Variants in TFDP2 observed in about 807,000 individuals in gnomAD.
TFDP2 encodes transcription factor Dp-2, also known as transcription factor Dp-2 (E2F dimerization partner 2).
In TFDP2, 17 loss-of-function variants were observed where a neutral mutation model predicts 59.3. The observed-to-expected ratio is 0.29, with a 90% CI of 0.20 to 0.43. The LOEUF (loss-of-function observed/expected upper bound fraction) is 0.43. Ranked by LOEUF, TFDP2 falls within the 20% of genes least tolerant of loss-of-function variation. The pLI is 1.00. For missense variants in TFDP2, 391 were observed against 528.8 expected (o/e 0.74, Z 2.56); for synonymous variants, 180 against 194.7 (o/e 0.92, Z 0.63).
At chr3:142,034,818 C>T (rs1388084466) in intron 3 of TFDP2, among the ~76,000 whole-genome samples, 4 of 151,646 alleles carry the variant, frequency 2.6e-5, no homozygotes, top group African/African-American at 7.3e-5. Context: ...CAGGTTCTCA[C>T]GGCCTCAGCC....
chr3:141,980,945 T>A (rs11705778), intron 6 of TFDP2, among the ~76,000 whole-genome samples: 1 of 152,174 alleles, frequency 6.6e-6, no homozygotes, highest in Non-Finnish European at 1.5e-5. Context: ...TAACTTATTA[T>A]TGAAGAAGAA....
chr3:141,978,688 A>C lies in TFDP2; in HGVS notation c.357-6T>G. 6.3e-7 allele frequency: 1 copy of C among 1,593,090 alleles called. No homozygotes were observed. The highest frequency in any genetic ancestry group is 8.5e-7 in the Non-Finnish European group (1 of 1,173,400). Reference sequence around the variant, plus strand: ...CTCCTTTTTTGCTTCGTTTACTAGAAGGGAAAAAAGTTTTTTTTACTCCAT... The same window carrying C: ...CTCCTTTTTTGCTTCGTTTACTAGACGGGAAAAAAGTTTTTTTTACTCCAT... On this transcript the variant is annotated splice_region_variant and splice_polypyrimidine_tract_variant and intron_variant, in intron 6 of 12. Coordinates refer to ENST00000489671, the MANE Select transcript of TFDP2 (RefSeq NM_001178139.2).
At chr3:141,967,772 A>C (rs76486410) in intron 9 of TFDP2, among the ~76,000 whole-genome samples, 3,049 of 152,172 alleles carry the variant, frequency 0.02, 100 homozygotes, top group African/African-American at 0.068. Flanking sequence ...GAAGTTCAAG[A>C]CTTTAAAAAA....
intron 1 of TFDP2, among the ~76,000 whole-genome samples, chr3:142,117,483 G>T (rs901657921): frequency 6.6e-6 from 1 of 151,810 alleles, no homozygotes; most frequent in African/African-American, 2.4e-5. Context: ...CAAGCCTGTG[G>T]ATGTATAGGG....
At position 141,978,747 on chromosome 3, in the gene TFDP2, G is replaced by C. The variant is rs958861630; in HGVS notation, c.357-65C>G. On this transcript the variant is annotated intron_variant, in intron 6 of 12. Transcript: ENST00000489671. Reference sequence around the variant, plus strand: ...TTAGAGACTTTCTTTACAAATCTCTGTAAGATAATGCAAGAAGACAGTAAT... The same window carrying C: ...TTAGAGACTTTCTTTACAAATCTCTCTAAGATAATGCAAGAAGACAGTAAT... 1.3e-5 allele frequency: 15 copies of C among 1,182,622 alleles called. No individual in the cohort carries two copies. In the African/African-American group the frequency reaches 2.0e-4, roughly 16 times the overall value. 73.3% of individuals were successfully genotyped at this position (1,182,622 alleles called of 1,614,324 possible).
At position 141,970,112 on chromosome 3, in the gene TFDP2, T is replaced by C; in HGVS notation, c.693A>G (p.Ile231Met). ...EIEKQRRIER[I>M]KQKRAQLQEL... Reference sequence around the variant, plus strand: ...CTTGCAGCTGGGCCCGCTTCTGCTTTATCCGTTCTATCCGCCTCTGCTTCT... The same window carrying C: ...CTTGCAGCTGGGCCCGCTTCTGCTTCATCCGTTCTATCCGCCTCTGCTTCT... Residue 231 changes from isoleucine (I) to methionine (M), a missense_variant, in exon 9 of 13, where the codon ATA becomes ATG. Physicochemically the swap from Ile to Met is conservative, Grantham distance 10 (BLOSUM62 1). This residue lies in a region of TFDP2 where 223 missense variants were observed against 292.5 expected (regional missense o/e 0.76). Coordinates refer to ENST00000489671, the MANE Select transcript of TFDP2 (RefSeq NM_001178139.2). The C allele has an allele frequency of 1.9e-6, 3 of 1,614,204 alleles. No individual in the cohort carries two copies. Among genetic ancestry groups the C allele is most frequent in the Non-Finnish European group, 2.5e-6 (3 of 1,180,022 alleles).
intron 1 of TFDP2, among the ~76,000 whole-genome samples, chr3:142,108,628 C>A (rs1477914207): frequency 9.9e-5 from 15 of 152,116 alleles, no homozygotes; most frequent in Non-Finnish European, 1.5e-4. Context: ...TCCTTTACAT[C>A]GTTATACTGT....
intron 1 of TFDP2, among the ~76,000 whole-genome samples, chr3:142,103,285 T>C (rs1243774673): frequency 6.6e-6 from 1 of 151,344 alleles, no homozygotes; most frequent in African/African-American, 2.4e-5. Context: ...TAAAAACATA[T>C]GAAAACTGAA....
intron 3 of TFDP2, among the ~76,000 whole-genome samples, chr3:142,072,134 ATAT>A (rs1478349226): frequency 6.6e-6 from 1 of 152,218 alleles, no homozygotes; most frequent in African/African-American, 2.4e-5. Flanking sequence ...GAAGGTGAAA[ATAT>A]TATAAACAAG....
intron 3 of TFDP2, among the ~76,000 whole-genome samples, chr3:142,009,792 A>G (rs982263747): frequency 6.6e-6 from 1 of 151,992 alleles, no homozygotes. Flanking sequence ...TCACCTATAC[A>G]TGAAAATTTT....
intron 2 of TFDP2, among the ~76,000 whole-genome samples, chr3:142,100,126 T>G (rs1253897609): frequency 2.0e-5 from 3 of 152,232 alleles, no homozygotes; most frequent in Admixed American, 1.3e-4. Context: ...GATTTGTTTG[T>G]TAACGCTATT....
chr3:142,139,712 TG>T (rs1415406197), intron 1 of TFDP2, among the ~76,000 whole-genome samples: 5 of 152,238 alleles, frequency 3.3e-5, no homozygotes, highest in African/African-American at 1.2e-4. Context: ...TCTTCTGGCT[TG>T]TAGGGTTTCT....
chr3:142,144,588 C>A (rs1033242596), intron 1 of TFDP2, among the ~76,000 whole-genome samples: 1 of 152,132 alleles, frequency 6.6e-6, no homozygotes, highest in African/African-American at 2.4e-5. Context: ...GTTGCCCAGG[C>A]TGGAGTGCAG....
chr3:142,013,573 T>C (rs1944891722), intron 3 of TFDP2, among the ~76,000 whole-genome samples: 1 of 152,240 alleles, frequency 6.6e-6, no homozygotes, highest in African/African-American at 2.4e-5. Flanking sequence ...CGATTTTTAA[T>C]GTTGCCTGGA....
At chr3:141,983,942 C>T (rs77852740) in intron 6 of TFDP2, among the ~76,000 whole-genome samples, 9,112 of 152,158 alleles carry the variant, frequency 0.06, 301 homozygotes, top group African/African-American at 0.094. Flanking sequence ...ACCATATGAT[C>T]CAGTAATTTC....
chr3:141,964,661 CA>C (rs886746744), intron 9 of TFDP2, among the ~76,000 whole-genome samples: 2 of 150,874 alleles, frequency 1.3e-5, no homozygotes, highest in Non-Finnish European at 3.0e-5. Flanking sequence ...CAAAACAAAA[CA>C]AAAAAAAACT....
chr3:142,063,100 G>A lies in TFDP2; in HGVS notation c.82+29961C>T, dbSNP rs954675836. ...GTGTAAATAAAACTTGAAATAATATGTAAATATAAAACATGAATATTTTAA... is the reference window on the plus strand; with the variant it reads ...GTGTAAATAAAACTTGAAATAATATATAAATATAAAACATGAATATTTTAA... On this transcript the variant is annotated intron_variant, in intron 3 of 12. Transcript: ENST00000489671. Among the ~76,000 whole-genome samples the A allele has an allele frequency of 5.3e-5, 8 of 152,194 alleles. No homozygotes were observed. In the South Asian group the frequency reaches 8.3e-4, roughly 16 times the overall value.
At position 142,069,764 on chromosome 3, in the gene TFDP2, T is replaced by C. The variant is rs6797596; in HGVS notation, c.82+23297A>G. On this transcript the variant is annotated intron_variant, in intron 3 of 12. Transcript: ENST00000489671. ...CTGGGATTACAGGCATCCACCACCATGCCTGGCTAATTTTTTGTATTTTTA... is the reference window on the plus strand; with the variant it reads ...CTGGGATTACAGGCATCCACCACCACGCCTGGCTAATTTTTTGTATTTTTA... Among the ~76,000 whole-genome samples, 575 of 151,036 alleles carry C rather than the reference T, an allele frequency of 3.8e-3. 2 individuals are homozygous for C. Among genetic ancestry groups the C allele is most frequent in the African/African-American group, 0.013 (543 of 41,106 alleles).
chr3:141,980,954 A>G (rs925022153), intron 6 of TFDP2, among the ~76,000 whole-genome samples: 2 of 152,004 alleles, frequency 1.3e-5, no homozygotes, highest in African/African-American at 4.8e-5. Flanking sequence ...ATTGAAGAAG[A>G]AAAAAATCTT....
Sources: allele counts gnomAD v4.1 joint callset (sites outside exome capture counted in the v4.1 genomes callset), GRCh38; gene constraint gnomAD v4.1.1; regional missense constraint gnomAD v4.1.1; transcripts MANE v1.5; gene names NCBI Gene and HGNC (gene_info 2026-07-23, HGNC 2026-07-21).